The following ACO1 variants were observed in gnomAD, a reference collection of about 807,000 sequenced individuals.
ACO1 encodes cytoplasmic aconitate hydratase.
In ACO1, 78 loss-of-function variants were observed where a neutral mutation model predicts 105.1. The ratio of observed to expected loss-of-function variants is 0.74; its 90% CI spans 0.62 to 0.90. The LOEUF is 0.90. ACO1 is among the 40% of genes least tolerant of loss of function. ACO1 has a pLI of 0.00. For missense variants in ACO1, 965 were observed against 1,111.1 expected, an observed-to-expected ratio of 0.87 and a Z score of 1.87; for synonymous variants, 364 against 397.4, an observed-to-expected ratio of 0.92 and a Z score of 1.00.
At position 32,434,603 on chromosome 9, in the gene ACO1, G is replaced by A; in HGVS notation, c.2001G>A (p.Val667=). The change falls in exon 17 of 21, where the codon GTG becomes GTA. Residue 667 remains valine (V), a synonymous_variant. Transcript: ENST00000309951. Reference sequence around the variant, plus strand: ...CTAAATCTATAGTGGATGCCTATGTGCTGCTAAATTTGGGAGATTCGGTAA... The same window carrying A: ...CTAAATCTATAGTGGATGCCTATGTACTGCTAAATTTGGGAGATTCGGTAA... ...QPPKSIVDAY[V]LLNLGDSVTT... is the part of the protein sequence containing the mutation. 1 of 1,614,106 alleles carries A rather than the reference G, an allele frequency of 6.2e-7. No individual in the cohort carries two copies.
chr9:32,421,052 C>T lies in ACO1; in HGVS notation c.970+25C>T, dbSNP rs191783654. 2.3e-5 allele frequency: 37 copies of T among 1,601,112 alleles called. No individual in the cohort carries two copies. In the Middle Eastern group the frequency reaches 6.6e-4, roughly 29 times the overall value. ...GGTAAGTGAAGGGCCCTGAAAGCAT[C>T]GGGCTTTTTGTAAAAGTTCCATGAA... On this transcript the variant is annotated intron_variant, in intron 8 of 20. Transcript: ENST00000309951.
intron 13 of ACO1, among the ~76,000 whole-genome samples, chr9:32,430,112 T>A (rs1042816019): frequency 4.6e-5 from 7 of 152,356 alleles, no homozygotes; most frequent in African/African-American, 7.2e-5. Flanking sequence ...CCTTTAACGA[T>A]CAACTGTTAG....
chr9:32,396,764 G>A (rs117121665), intron 1 of ACO1, among the ~76,000 whole-genome samples: 1,562 of 152,264 alleles, frequency 0.01, 16 homozygotes, highest in Middle Eastern at 0.024. Flanking sequence ...TGAGGGCAGG[G>A]ACTCTGTCTC....
At chr9:32,449,140 A>G (rs1308425994) in intron 20 of ACO1, 59 bp downstream of exon 20, 13 of 1,498,544 alleles carry the variant, frequency 8.7e-6, no homozygotes, top group Non-Finnish European at 1.1e-5. Flanking sequence ...GTTTGTAACC[A>G]GTCTTGTTAG....
At chr9:32,402,411 A>G (rs1254967707) in intron 1 of ACO1, among the ~76,000 whole-genome samples, 1 of 152,212 alleles carries the variant, frequency 6.6e-6, no homozygotes, top group Non-Finnish European at 1.5e-5. Context: ...TTATTGTTGA[A>G]TGAAGATCAG....
chr9:32,398,090 C>G (rs1010120815), intron 1 of ACO1, among the ~76,000 whole-genome samples: 88 of 152,152 alleles, frequency 5.8e-4, no homozygotes, highest in Non-Finnish European at 1.5e-4. Flanking sequence ...CTCCTGTGCT[C>G]CTCCTCCTGC....
At chr9:32,434,305 G>A (rs1349375381) in intron 16 of ACO1, among the ~76,000 whole-genome samples, 1 of 152,216 alleles carries the variant, frequency 6.6e-6, no homozygotes, top group Non-Finnish European at 1.5e-5. Flanking sequence ...GTCATTTGCA[G>A]CTGCGTTACT....
chr9:32,404,804 C>T (rs1253627383), intron 1 of ACO1, among the ~76,000 whole-genome samples: 1 of 152,144 alleles, frequency 6.6e-6, no homozygotes, highest in Non-Finnish European at 1.5e-5. Flanking sequence ...TCCACAGTGC[C>T]CACCAATGAT....
chr9:32,435,691 CTCTT>C (rs1822339794), intron 17 of ACO1, among the ~76,000 whole-genome samples: 1 of 152,186 alleles, frequency 6.6e-6, no homozygotes, highest in African/African-American at 2.4e-5. Context: ...GCTGTTCTGC[CTCTT>C]TAGCACTGCC....
At position 32,407,430 on chromosome 9, in the gene ACO1, G is replaced by C. The variant is rs1200741849; in HGVS notation, c.266+1G>C. 6.2e-7 allele frequency: 1 copy of C among 1,611,694 alleles called. No individual in the cohort carries two copies. Among genetic ancestry groups the C allele is most frequent in the South Asian group, 1.1e-5 (1 of 90,974 alleles). ...CTCGTGTCATCCTGCAGGACTTTAC[G>C]TGAGCCTAATGTCACTTCACTCTCC... On this transcript the variant is annotated splice_donor_variant, in intron 3 of 20. Transcript: ENST00000309951. LOFTEE classifies it high-confidence loss of function.
chr9:32,404,459 A>G (rs1481159040), intron 1 of ACO1, among the ~76,000 whole-genome samples: 1 of 152,186 alleles, frequency 6.6e-6, no homozygotes, highest in Non-Finnish European at 1.5e-5. Flanking sequence ...CAGTTTAGAA[A>G]AAATTAGTTG....
At position 32,384,644 on chromosome 9, in the gene ACO1, A is replaced by C. The variant is rs1427406068; in HGVS notation, c.-114A>C. ...GGGGGCGAGAGGGGGCGGAGCGTGG[A>C]GGCGGCAGCTGGAACCGCGCAGCGC... is the stretch of plus-strand genomic sequence containing the variant. On this transcript the variant is annotated 5_prime_UTR_variant, in exon 1 of 21. Transcript: ENST00000309951. 2.6e-6 allele frequency: 1 copy of C among 381,046 alleles called. No individual in the cohort carries two copies. The highest frequency in any genetic ancestry group is 5.2e-6 in the Non-Finnish European group (1 of 191,178). 23.6% of individuals were successfully genotyped at this position (381,046 alleles called of 1,614,324 possible).
chr9:32,397,193 G>A (rs942438095), intron 1 of ACO1, among the ~76,000 whole-genome samples: 1 of 152,150 alleles, frequency 6.6e-6, no homozygotes, highest in African/African-American at 2.4e-5. Context: ...AGAAAAACAT[G>A]TTGACGTAAT....
chr9:32,437,244 C>T (rs113411014), intron 18 of ACO1, among the ~76,000 whole-genome samples: 1 of 152,120 alleles, frequency 6.6e-6, no homozygotes, highest in Non-Finnish European at 1.5e-5. Context: ...ATTATCTGTG[C>T]TTTAAATTGA....
chr9:32,442,758 C>G (rs1183112548), intron 19 of ACO1, among the ~76,000 whole-genome samples: 1 of 152,102 alleles, frequency 6.6e-6, no homozygotes, highest in African/African-American at 2.4e-5. Context: ...ATTCCAGATA[C>G]AATGTAACTT....
intron 1 of ACO1, among the ~76,000 whole-genome samples, chr9:32,403,039 CTCTTGTGAGAGG>C (rs1821531661): frequency 6.6e-6 from 1 of 152,194 alleles, no homozygotes; most frequent in African/African-American, 2.4e-5. Flanking sequence ...AAAGTTGAGT[CTCTTGTGAGAGG>C]ATTTCCCATG....
chr9:32,439,854 A>C lies in ACO1; in HGVS notation c.2248-611A>C, dbSNP rs1046259139. On this transcript the variant is annotated intron_variant, in intron 18 of 20. Coordinates refer to ENST00000309951, the MANE Select transcript of ACO1 (RefSeq NM_002197.3). This position sits in a 1 kb window ranked among gnomAD's most constrained non-coding sequence, Gnocchi z 4.0. The stretch of plus-strand genomic sequence containing the variant: ...GTTTTAAAATAATTTAGTCAATGGA[A>C]AAGAAAAAATCTGATCTAGTTTCCT... 6.6e-6 allele frequency among the ~76,000 whole-genome samples: 1 copy of C among 152,266 alleles called. No homozygotes were observed. Among genetic ancestry groups the C allele is most frequent in the Non-Finnish European group, 1.5e-5 (1 of 68,046 alleles).
chr9:32,419,391 C>T (rs1012063946), intron 7 of ACO1, among the ~76,000 whole-genome samples: 2 of 152,194 alleles, frequency 1.3e-5, no homozygotes, highest in Non-Finnish European at 2.9e-5. Context: ...CTGCATCGAT[C>T]TTTTTCTTAA....
chr9:32,434,888 A>T (rs1822321821), intron 17 of ACO1, among the ~76,000 whole-genome samples, 187 bp downstream of exon 17: 1 of 152,200 alleles, frequency 6.6e-6, no homozygotes, highest in Non-Finnish European at 1.5e-5. Context: ...GGGAGAAACG[A>T]TCAACATGTG....
Sources: gnomAD v4.1 joint callset for allele counts (sites outside exome capture counted in the v4.1 genomes callset) on GRCh38, gnomAD v4.1.1 for gene constraint, Gnocchi (gnomAD v3.1) non-coding constraint, MANE v1.5 for transcripts, NCBI Gene and HGNC (gene_info 2026-07-23, HGNC 2026-07-21) for gene names.